Variants in NXN observed in about 807,000 individuals in gnomAD.
NXN encodes the protein nucleoredoxin.
A neutral mutation model predicts 48.6 loss-of-function variants in NXN; 16 were observed. The observed-to-expected ratio is 0.33, with a 90% CI of 0.22 to 0.50. NXN has a LOEUF of 0.50. Ranked by LOEUF, NXN falls within the 20% of genes least tolerant of loss-of-function variation. The pLI is 0.98. For missense variants in NXN, 492 were observed against 605.5 expected (o/e 0.81, Z 1.97); for synonymous variants, 281 against 269.6 (o/e 1.04, Z -0.41).
At chr17:860,350 C>T (rs1319674386) in intron 1 of NXN, among the ~76,000 whole-genome samples, 6 of 133,792 alleles carry the variant, frequency 4.5e-5, no homozygotes, top group African/African-American at 1.4e-4. Context: ...TCTTGAACTC[C>T]TGACCTCAGG....
At chr17:965,656 A>G (rs918138739) in intron 1 of NXN, among the ~76,000 whole-genome samples, 2 of 151,808 alleles carry the variant, frequency 1.3e-5, no homozygotes, top group Non-Finnish European at 2.9e-5. Flanking sequence ...TAACCCCCCA[A>G]CTCTATCCCC....
chr17:880,052 G>A (rs183779052), intron 1 of NXN: 176 of 152,254 alleles, frequency 1.2e-3, no homozygotes, highest in African/African-American at 4.1e-3. Flanking sequence ...GATGTATCAA[G>A]TTTGAGGGTG....
chr17:891,307 T>A (rs938659874), intron 1 of NXN, among the ~76,000 whole-genome samples: 2 of 152,140 alleles, frequency 1.3e-5, no homozygotes, highest in Non-Finnish European at 2.9e-5. Context: ...GCTCAAGCGA[T>A]CCTCCCACCT....
At chr17:901,398 G>A (rs1201912243) in intron 1 of NXN, among the ~76,000 whole-genome samples, 1 of 152,078 alleles carries the variant, frequency 6.6e-6, no homozygotes, top group Non-Finnish European at 1.5e-5. Flanking sequence ...GTTTATTCCG[G>A]GGAAGAACTC....
At chr17:813,911 A>G (rs1213440159) in intron 5 of NXN, among the ~76,000 whole-genome samples, 3 of 150,096 alleles carry the variant, frequency 2.0e-5, no homozygotes, top group Non-Finnish European at 4.4e-5. Flanking sequence ...GGTTGCAGTG[A>G]GCCAAGATTG....
At chr17:961,199 G>A (rs576720096) in intron 1 of NXN, among the ~76,000 whole-genome samples, 1 of 152,124 alleles carries the variant, frequency 6.6e-6, no homozygotes, top group African/African-American at 2.4e-5. Flanking sequence ...TTCCTGACCA[G>A]CCTGGCCAAC....
chr17:847,074 A>C (rs1328305641), intron 1 of NXN, among the ~76,000 whole-genome samples: 1 of 152,198 alleles, frequency 6.6e-6, no homozygotes, highest in Non-Finnish European at 1.5e-5. Context: ...TCCGCTCTGC[A>C]AAATGAACAG....
At chr17:935,963 A>G (rs143073534) in intron 1 of NXN, among the ~76,000 whole-genome samples, 1,863 of 152,090 alleles carry the variant, frequency 0.012, 49 homozygotes, top group African/African-American at 0.042. Flanking sequence ...GTGGTGGTGC[A>G]TGCTTGTAAT....
chr17:848,416 C>T (rs1005136519), intron 1 of NXN, among the ~76,000 whole-genome samples: 1 of 152,238 alleles, frequency 6.6e-6, no homozygotes, highest in East Asian at 1.9e-4. Context: ...GTTGGGATTA[C>T]AGGCGTGAGC....
At chr17:847,001 C>T (rs2067870223) in intron 1 of NXN, among the ~76,000 whole-genome samples, 2 of 152,296 alleles carry the variant, frequency 1.3e-5, no homozygotes, top group South Asian at 2.1e-4. Flanking sequence ...AATGTGACTA[C>T]GTAGCGCCTA....
At chr17:955,260 C>G (rs1417018246) in intron 1 of NXN, among the ~76,000 whole-genome samples, 1 of 150,884 alleles carries the variant, frequency 6.6e-6, no homozygotes, top group African/African-American at 2.4e-5. Context: ...CTCCGCCTCC[C>G]GGGTTCAAGC....
Position 830,558 on chromosome 17 carries a change from A to G in NXN, c.361-4480T>C, listed in dbSNP as rs765021772. Among the ~76,000 whole-genome samples, 47 of 152,274 alleles carry G rather than the reference A, an allele frequency of 3.1e-4. No individual in the cohort carries two copies. The highest frequency in any genetic ancestry group is 5.9e-4 in the Non-Finnish European group (40 of 68,008). On this transcript the variant is annotated intron_variant, in intron 1 of 7. Coordinates refer to ENST00000336868, the MANE Select transcript of NXN (RefSeq NM_022463.5). This position sits in a 1 kb window ranked among gnomAD's most constrained non-coding sequence, Gnocchi z 4.2. ...AGAGCCCGTGTGGAGGCTGACTGCG[A>G]AAGTCTGAGTAGATGAGAGAACCAG... is the stretch of plus-strand genomic sequence containing the variant.
rs147263837 is a variant in NXN, at chr17:848,888, G to A, written c.361-22810C>T. Among the ~76,000 whole-genome samples, 25 of 152,312 alleles carry A rather than the reference G, an allele frequency of 1.6e-4. 1 individual carries two copies. In the East Asian group the frequency reaches 4.8e-3, roughly 29 times the overall value. ...ACGGAGGTTTTTCTGGATAGGCCAA[G>A]TACCTATCCACTGCTCAGCAGGACG... On this transcript the variant is annotated intron_variant, in intron 1 of 7. Transcript: ENST00000336868.
chr17:842,581 G>C (rs959674047), intron 1 of NXN: 6 of 985,108 alleles, frequency 6.1e-6, no homozygotes, highest in African/African-American at 1.7e-5. Context: ...GTGGGGGCCC[G>C]TCTCCTCCTC....
chr17:829,087 A>G (rs1351217180), intron 1 of NXN, among the ~76,000 whole-genome samples: 1 of 134,684 alleles, frequency 7.4e-6, no homozygotes, highest in Non-Finnish European at 1.6e-5. Context: ...ACTGTCATTC[A>G]TTTTTCCAGT....
chr17:857,511 T>C lies in NXN; in HGVS notation c.361-31433A>G, dbSNP rs539042655. 7.2e-5 allele frequency among the ~76,000 whole-genome samples: 11 copies of C among 152,296 alleles called. No individual in the cohort carries two copies. In the South Asian group the frequency reaches 2.3e-3, roughly 32 times the overall value. Reference sequence around the variant, plus strand: ...CCTGCCCTCAGATGATCTGCCTGCCTTGGCTCCCAAAGTGCTGGGATTACA... The same window carrying C: ...CCTGCCCTCAGATGATCTGCCTGCCCTGGCTCCCAAAGTGCTGGGATTACA... On this transcript the variant is annotated intron_variant, in intron 1 of 7. Coordinates refer to ENST00000336868, the MANE Select transcript of NXN (RefSeq NM_022463.5).
intron 1 of NXN, among the ~76,000 whole-genome samples, chr17:846,702 A>C (rs994021391): frequency 3.5e-5 from 4 of 114,174 alleles, no homozygotes; most frequent in African/African-American, 8.6e-5. Flanking sequence ...TACGTTAAAG[A>C]AAAGTGGAGG....
chr17:802,299 T>A lies in NXN; in HGVS notation c.1126-1168A>T, dbSNP rs188462432. On this transcript the variant is annotated intron_variant, in intron 7 of 7. Coordinates refer to ENST00000336868, the MANE Select transcript of NXN (RefSeq NM_022463.5). Reference sequence around the variant, plus strand: ...ACCATGCCTGGCTAATTTTTGTACATTTTTTGGAGACACAAAAGTCCAGCC... The same window carrying A: ...ACCATGCCTGGCTAATTTTTGTACAATTTTTGGAGACACAAAAGTCCAGCC... Among the ~76,000 whole-genome samples, 996 of 152,206 alleles carry A rather than the reference T, an allele frequency of 6.5e-3. 13 individuals are homozygous for A. The highest frequency in any genetic ancestry group is 0.023 in the African/African-American group (935 of 41,548).
At chr17:898,314 A>G (rs2068508525) in intron 1 of NXN, among the ~76,000 whole-genome samples, 1 of 151,850 alleles carries the variant, frequency 6.6e-6, no homozygotes, top group South Asian at 2.1e-4. Context: ...AGTTCCATGC[A>G]CTCTGCTCTC....
Sources: gnomAD v4.1 joint callset for allele counts (sites outside exome capture counted in the v4.1 genomes callset) on GRCh38, gnomAD v4.1.1 for gene constraint, Gnocchi (gnomAD v3.1) non-coding constraint, MANE v1.5 for transcripts, NCBI Gene and HGNC (gene_info 2026-07-23, HGNC 2026-07-21) for gene names.